The following TNS1 variants were observed in gnomAD, a reference collection of about 807,000 sequenced individuals.
TNS1 encodes tensin 1.
Under a neutral mutation model 168.6 loss-of-function variants are expected in TNS1, and 62 were observed. That is an observed-to-expected ratio of 0.37 (90% CI 0.30 to 0.45). The LOEUF (loss-of-function observed/expected upper bound fraction) is 0.45. Among genes scored for constraint, TNS1 ranks in the 20% least tolerant of loss-of-function variants. The pLI is 1.00. For synonymous variants in TNS1, 934 were observed against 933.2 expected, an observed-to-expected ratio of 1.00 and a Z score of -0.02; for missense variants, 2,240 against 2,339.4, an observed-to-expected ratio of 0.96 and a Z score of 0.88.
intron 6 of TNS1, chr2:217,901,620 T>C (rs1952989290): frequency 6.6e-6 from 1 of 152,188 alleles, no homozygotes; most frequent in Non-Finnish European, 1.5e-5. Context: ...AAAATGGTCT[T>C]TTCCTACCGC....
intron 3 of TNS1, among the ~76,000 whole-genome samples, chr2:217,945,203 C>T (rs745409164): frequency 1.6e-4 from 24 of 152,212 alleles, no homozygotes; most frequent in Admixed American, 3.9e-4. Flanking sequence ...CCTGCACCTC[C>T]GAGCCTCAGT....
At chr2:217,971,163 A>C (rs1276787379) in intron 3 of TNS1, among the ~76,000 whole-genome samples, 1 of 152,220 alleles carries the variant, frequency 6.6e-6, no homozygotes, top group Non-Finnish European at 1.5e-5. Flanking sequence ...GTGCATGCAT[A>C]ATTACCACAA....
chr2:218,000,679 T>TA (rs1958546456), intron 1 of TNS1, among the ~76,000 whole-genome samples: 1 of 152,190 alleles, frequency 6.6e-6, no homozygotes, highest in African/African-American at 2.4e-5. Flanking sequence ...TACCAAACGA[T>TA]GGAAATAGGG....
intron 18 of TNS1, among the ~76,000 whole-genome samples, chr2:217,852,349 C>T (rs533719984): frequency 1.3e-5 from 2 of 152,222 alleles, no homozygotes; most frequent in African/African-American, 2.4e-5. Flanking sequence ...ACCCCCTCTG[C>T]CACCTACACT....
intron 1 of TNS1, among the ~76,000 whole-genome samples, chr2:218,027,129 G>T (rs190577707): frequency 8.1e-4 from 123 of 151,926 alleles, no homozygotes; most frequent in African/African-American, 2.9e-3. Flanking sequence ...ACACACACAC[G>T]CTCATTCTTG....
At chr2:217,862,985 G>A (rs926085236) in intron 18 of TNS1, among the ~76,000 whole-genome samples, 2 of 152,212 alleles carry the variant, frequency 1.3e-5, no homozygotes, top group African/African-American at 4.8e-5. Flanking sequence ...AGGTGGCCAG[G>A]GCCCCTCACC....
At chr2:217,879,426 G>A (rs769870317) in intron 18 of TNS1, 9 of 454,128 alleles carry the variant, frequency 2.0e-5, no homozygotes, top group Non-Finnish European at 3.5e-5. Flanking sequence ...CTCAGCGCCC[G>A]GGGATGGAGG....
intron 22 of TNS1, chr2:217,829,712 G>A: frequency 9.9e-7 from 1 of 1,005,476 alleles, no homozygotes; most frequent in Non-Finnish European, 1.5e-6. Context: ...TTGGGGGACA[G>A]GAAGGCCATG....
chr2:218,021,246 G>A (rs1574483174), intron 1 of TNS1, among the ~76,000 whole-genome samples: 1 of 152,220 alleles, frequency 6.6e-6, no homozygotes, highest in Non-Finnish European at 1.5e-5. Context: ...GGAAACGGAG[G>A]CCCAGGCTTG....
intron 15 of TNS1, 62 bp downstream of exon 15, chr2:217,885,682 G>A (rs990320756): frequency 2.6e-6 from 4 of 1,548,688 alleles, no homozygotes; most frequent in Non-Finnish European, 2.7e-6. Flanking sequence ...CAGGAAAGGA[G>A]TAAGAAAAGA....
intron 22 of TNS1, among the ~76,000 whole-genome samples, chr2:217,826,368 C>T (rs1029691548): frequency 6.6e-6 from 1 of 152,150 alleles, no homozygotes; most frequent in Admixed American, 6.5e-5. Flanking sequence ...TTCCCTGGCT[C>T]TTTCTCTCTC....
chr2:217,959,128 C>T (rs1235819734), intron 3 of TNS1, among the ~76,000 whole-genome samples: 1 of 152,244 alleles, frequency 6.6e-6, no homozygotes, highest in Non-Finnish European at 1.5e-5. Context: ...TCACCCATTC[C>T]TTAGCTGTGT....
chr2:217,823,106 T>C (rs911371362), intron 22 of TNS1, among the ~76,000 whole-genome samples: 3 of 152,142 alleles, frequency 2.0e-5, no homozygotes, highest in Non-Finnish European at 2.9e-5. Flanking sequence ...ATGGTCAGAG[T>C]TGGAGAAGAG....
At chr2:217,885,708 A>G (rs1291558738) in intron 15 of TNS1, 36 bp downstream of exon 15, 3 of 1,575,560 alleles carry the variant, frequency 1.9e-6, no homozygotes, top group Non-Finnish European at 8.6e-7. Flanking sequence ...GAGAAAATAA[A>G]CAAGGATGGG....
At chr2:217,915,848 C>A (rs1323002700) in intron 4 of TNS1, among the ~76,000 whole-genome samples, 1 of 152,232 alleles carries the variant, frequency 6.6e-6, no homozygotes, top group Admixed American at 6.5e-5. Context: ...TTGGGCCTGC[C>A]AGGCTTCCAC....
intron 18 of TNS1, among the ~76,000 whole-genome samples, chr2:217,865,547 A>G (rs1037399519): frequency 6.6e-6 from 1 of 152,250 alleles, no homozygotes; most frequent in African/African-American, 2.4e-5. Context: ...CACATCAAAG[A>G]ACACTTTGCT....
At chr2:217,906,883 C>A (rs376011516) in intron 5 of TNS1, among the ~76,000 whole-genome samples, 2 of 152,328 alleles carry the variant, frequency 1.3e-5, no homozygotes, top group East Asian at 3.9e-4. Flanking sequence ...TTGGAAAGAT[C>A]CGCCTGATTT....
upstream of TNS1, among the ~76,000 whole-genome samples, chr2:218,014,921 A>C (rs13034359): frequency 0.029 from 2,186 of 75,966 alleles, 37 homozygotes; most frequent in African/African-American, 0.077. Flanking sequence ...GGAAGGAAGG[A>C]AGGCAGGCAG....
intron 3 of TNS1, among the ~76,000 whole-genome samples, chr2:217,932,880 G>C (rs1344280846): frequency 1.3e-5 from 2 of 152,236 alleles, no homozygotes; most frequent in Admixed American, 6.5e-5. Flanking sequence ...AGGAGGCAGT[G>C]CAATTATTCT....
Sources: allele counts gnomAD v4.1 joint callset (sites outside exome capture counted in the v4.1 genomes callset), GRCh38; gene constraint gnomAD v4.1.1; transcripts MANE v1.5; gene names NCBI Gene and HGNC (gene_info 2026-07-23, HGNC 2026-07-21).